Variants in CHD7 observed in about 807,000 individuals in gnomAD.
CHD7 encodes chromodomain helicase DNA binding protein 7, also known as ATP-dependent chromatin remodeler CHD7.
CHD7 carries 24 observed loss-of-function variants against 307.3 expected under a neutral mutation model. The observed-to-expected ratio is 0.08, with a 90% CI of 0.06 to 0.11. The LOEUF (loss-of-function observed/expected upper bound fraction) is 0.11. Among genes scored for constraint, CHD7 ranks in the 10% least tolerant of loss-of-function variants. The pLI is 1.00. For synonymous variants in CHD7, 1,363 were observed against 1,349.9 expected (o/e 1.01, Z -0.21); for missense variants, 3,106 against 3,727.1 (o/e 0.83, Z 4.34).
chr8:60,841,659 T>C lies in CHD7; in HGVS notation c.4549T>C (p.Ser1517Pro). 2 of 1,607,948 alleles carry C rather than the reference T, an allele frequency of 1.2e-6. No homozygotes were observed. Among genetic ancestry groups the C allele is most frequent in the Admixed American group, 1.7e-5 (1 of 59,964 alleles). The change falls in exon 20 of 38, where the codon TCT (serine) becomes CCT (proline). Residue 1517 changes from serine to proline, a missense_variant. Coordinates refer to ENST00000423902, the MANE Select transcript of CHD7 (RefSeq NM_017780.4). ...TTCTCTTTAGGCCAGTTTTGTTGCA[T>C]CTGGAAATAGGACAGATATTTCCTT... ...STFAKASFVA[S>P]GNRTDISLDD...
At chr8:60,783,470 A>G (rs1262282373) in intron 3 of CHD7, among the ~76,000 whole-genome samples, 3 of 152,208 alleles carry the variant, frequency 2.0e-5, no homozygotes, top group African/African-American at 7.2e-5. Flanking sequence ...ACCCTGAAGT[A>G]TGAATCAGAG....
At chr8:60,729,946 C>T (rs1322311046) in intron 1 of CHD7, among the ~76,000 whole-genome samples, 1 of 152,094 alleles carries the variant, frequency 6.6e-6, no homozygotes, top group Non-Finnish European at 1.5e-5. Context: ...TATCAAGAGT[C>T]TTGTACACTC....
intron 2 of CHD7, among the ~76,000 whole-genome samples, chr8:60,777,256 A>G (rs1039449538): frequency 6.6e-6 from 1 of 152,224 alleles, no homozygotes; most frequent in Non-Finnish European, 1.5e-5. Flanking sequence ...TGTAAATAAA[A>G]TGTTTATCCT....
intron 1 of CHD7, among the ~76,000 whole-genome samples, chr8:60,716,658 C>G (rs1477457801): frequency 6.6e-6 from 1 of 152,284 alleles, no homozygotes; most frequent in African/African-American, 2.4e-5. Flanking sequence ...TCTTACTTTC[C>G]TTTTAGTTAT....
intron 1 of CHD7, among the ~76,000 whole-genome samples, chr8:60,736,004 A>G (rs1808684933): frequency 6.6e-6 from 1 of 152,192 alleles, no homozygotes; most frequent in Non-Finnish European, 1.5e-5. Context: ...GTCATAGAGT[A>G]TTGGCAATGC....
chr8:60,846,639 T>A (rs187487416), intron 23 of CHD7, among the ~76,000 whole-genome samples: 3 of 152,316 alleles, frequency 2.0e-5, no homozygotes, highest in East Asian at 3.9e-4. Flanking sequence ...TAAGGCAGGA[T>A]GTAAATAAGT....
intron 2 of CHD7, among the ~76,000 whole-genome samples, chr8:60,745,706 G>A (rs950456514): frequency 6.6e-6 from 1 of 152,146 alleles, no homozygotes; most frequent in Non-Finnish European, 1.5e-5. Context: ...TAAGGCTAGG[G>A]AGGTGTGAAG....
At chr8:60,720,852 T>C (rs1213590215) in intron 1 of CHD7, among the ~76,000 whole-genome samples, 3 of 152,166 alleles carry the variant, frequency 2.0e-5, no homozygotes, top group Non-Finnish European at 2.9e-5. Context: ...TGTGAGTAAA[T>C]GTCCAGGAAA....
At chr8:60,710,808 C>T (rs1005501919) in intron 1 of CHD7, among the ~76,000 whole-genome samples, 1 of 152,142 alleles carries the variant, frequency 6.6e-6, no homozygotes, top group Admixed American at 6.5e-5. Flanking sequence ...ATGGCCAGCT[C>T]CTAGTGTCCT....
chr8:60,756,990 C>G (rs1339723180), intron 2 of CHD7, among the ~76,000 whole-genome samples: 1 of 152,130 alleles, frequency 6.6e-6, no homozygotes, highest in Non-Finnish European at 1.5e-5. Flanking sequence ...GAGAAGAGCT[C>G]CATTCTTTGA....
intron 1 of CHD7, among the ~76,000 whole-genome samples, chr8:60,710,234 CTTTTT>C (rs35355868): frequency 1.4e-5 from 2 of 141,926 alleles, no homozygotes; most frequent in Non-Finnish European, 3.1e-5. Flanking sequence ...GAAATGAAAA[CTTTTT>C]TTTTTTTTTT....
intron 37 of CHD7, chr8:60,864,206 G>A (rs965301713): frequency 6.6e-6 from 1 of 151,980 alleles, no homozygotes; most frequent in Non-Finnish European, 1.5e-5. Context: ...CAAACTCCTG[G>A]GCTCAAGCAG....
At chr8:60,849,901 G>A (rs1404780637) in intron 25 of CHD7, among the ~76,000 whole-genome samples, 2 of 152,148 alleles carry the variant, frequency 1.3e-5, no homozygotes, top group East Asian at 1.9e-4. Context: ...TCATTTTCCC[G>A]CAGTGCACTG....
intron 1 of CHD7, among the ~76,000 whole-genome samples, chr8:60,721,968 T>C (rs1807930830): frequency 6.6e-6 from 1 of 152,200 alleles, no homozygotes; most frequent in African/African-American, 2.4e-5. Flanking sequence ...GTAGTTGGGT[T>C]GGGGTCGGGG....
rs1011458802 is a variant in CHD7 at position 60,841,965 on chromosome 8, G to T, written c.4763G>T (p.Cys1588Phe). 6.2e-7 allele frequency: 1 copy of T among 1,613,486 alleles called. No individual in the cohort carries two copies. Residue 1588 changes from cysteine to phenylalanine, a missense_variant, in exon 21 of 38, where the codon TGT becomes TTT. Around this residue, in one of 10 missense-constraint regions of CHD7, gnomAD observed 122 missense variants for 124.5 expected, o/e 0.98. Transcript: ENST00000423902. ...GAAAGTGATTCTGAAGAAAAGCCCT[G>T]TGCAAAGCCACGGCGTCCCCAGGAT... is the stretch of plus-strand genomic sequence containing the variant. ...DLESDSEEKP[C>F]AKPRRPQDKS... is the part of the protein sequence containing the mutation.
intron 1 of CHD7, among the ~76,000 whole-genome samples, chr8:60,697,646 AGTC>A (rs1402689026): frequency 6.6e-6 from 1 of 152,250 alleles, no homozygotes; most frequent in South Asian, 2.1e-4. Flanking sequence ...GCCAAAAAAA[AGTC>A]GTGGAATTGA....
intron 7 of CHD7, among the ~76,000 whole-genome samples, chr8:60,810,380 A>AGAGTGTGTGTGTGTGTGTGT (rs534826288): frequency 1.4e-5 from 2 of 145,980 alleles, no homozygotes; most frequent in Non-Finnish European, 3.0e-5. Flanking sequence ...AGAGAGAGAG[A>AGAGTGTGTGTGTGTGTGTGT]GTGTGTGTGT....
intron 1 of CHD7, among the ~76,000 whole-genome samples, chr8:60,718,490 A>C (rs1014208971): frequency 6.6e-6 from 1 of 152,078 alleles, no homozygotes; most frequent in Non-Finnish European, 1.5e-5. Context: ...AAAAAAAAAA[A>C]GAAAGTTTGA....
chr8:60,713,443 A>G (rs1807389962), intron 1 of CHD7, among the ~76,000 whole-genome samples: 1 of 151,846 alleles, frequency 6.6e-6, no homozygotes, highest in South Asian at 2.1e-4. Flanking sequence ...AGGCAGTACT[A>G]TATTTGAGAA....
Sources: gnomAD v4.1 joint callset for allele counts (sites outside exome capture counted in the v4.1 genomes callset) on GRCh38, gnomAD v4.1.1 for gene constraint, gnomAD v4.1.1 regional missense constraint, MANE v1.5 for transcripts, NCBI Gene and HGNC (gene_info 2026-07-23, HGNC 2026-07-21) for gene names.